Variants in RHOBTB3 observed in about 807,000 individuals in gnomAD.
RHOBTB3 encodes rho-related BTB domain-containing protein 3.
RHOBTB3 carries 47 observed loss-of-function variants against 67.2 expected under a neutral mutation model. The observed-to-expected ratio is 0.70, with a 90% confidence interval of 0.55 to 0.89. The LOEUF (loss-of-function observed/expected upper bound fraction) is 0.89. Ranked by LOEUF, RHOBTB3 falls within the 40% of genes least tolerant of loss-of-function variation. The pLI, the probability that RHOBTB3 is intolerant of heterozygous loss-of-function variation, is 0.00. For synonymous variants in RHOBTB3, 273 were observed against 274.2 expected (o/e 1.00, Z 0.04); for missense variants, 631 against 750.0 (o/e 0.84, Z 1.85).
At chr5:95,760,628 A>G (rs1251706844) in intron 6 of RHOBTB3, among the ~76,000 whole-genome samples, 1 of 152,214 alleles carries the variant, frequency 6.6e-6, no homozygotes, top group Non-Finnish European at 1.5e-5. Context: ...CATGCGCTCT[A>G]AAAGTCTAAG....
rs1380193294 is a variant in RHOBTB3, at chr5:95,795,626, C to A, written c.*2452C>A. 2 of 152,178 alleles carry A rather than the reference C, an allele frequency of 1.3e-5. No homozygotes were observed. The highest frequency in any genetic ancestry group is 2.9e-5 in the Non-Finnish European group (2 of 68,034). 9.4% of individuals were successfully genotyped at this position (152,178 alleles called of 1,614,324 possible). On this transcript the variant is annotated 3_prime_UTR_variant, in exon 12 of 12. Coordinates refer to ENST00000379982, the MANE Select transcript of RHOBTB3 (RefSeq NM_014899.4). ...TTTTGTTATGAAAGTTCTCTACCAC[C>A]TACCTGTGTGAGTGACACCAACATC...
chr5:95,745,121 A>G (rs530181217), intron 3 of RHOBTB3, among the ~76,000 whole-genome samples: 28 of 151,952 alleles, frequency 1.8e-4, no homozygotes, highest in Non-Finnish European at 4.0e-4. Flanking sequence ...AAAAAAATGG[A>G]GATGGGATCT....
At chr5:95,778,469 C>T (rs1211175154) in intron 8 of RHOBTB3, among the ~76,000 whole-genome samples, 6 of 150,426 alleles carry the variant, frequency 4.0e-5, no homozygotes, top group African/African-American at 9.8e-5. Flanking sequence ...CCCATGGATT[C>T]GGAGAGCTAA....
rs776352969 is a variant in RHOBTB3 at position 95,755,633 on chromosome 5, C to T, written c.920C>T (p.Ala307Val). The part of the protein sequence containing the change: ...SIIRTTQDLF[A>V]INRDTAFPGA... ...ATCCGAACTACCCAGGATCTTTTTGCTATAAACAGAGATACTGCATTTCCA... is the reference window on the plus strand; with the variant it reads ...ATCCGAACTACCCAGGATCTTTTTGTTATAAACAGAGATACTGCATTTCCA... The change falls in exon 6 of 12, where the codon GCT becomes GTT. Residue 307 changes from alanine (A) to valine (V), a missense_variant. Ala to Val is a moderately conservative substitution (Grantham distance 64). Transcript: ENST00000379982. 6.2e-7 allele frequency: 1 copy of T among 1,614,104 alleles called. No individual in the cohort carries two copies. The highest frequency in any genetic ancestry group is 8.5e-7 in the Non-Finnish European group (1 of 1,180,022).
At position 95,731,998 on chromosome 5, in the gene RHOBTB3, AGCACGGTC is replaced by A; in HGVS notation, c.145_152del (p.Thr49AlafsTer29). 6.2e-7 allele frequency: 1 copy of A among 1,614,204 alleles called. No individual in the cohort carries two copies. ...GAGCAGCTTGTTGCTGAACGCGGCC[AGCACGGTC>A]GCGCGTCCGGTGTTCACCGAGTATC... On this transcript the variant is annotated frameshift_variant, in exon 2 of 12. Transcript: ENST00000379982. LOFTEE classifies it high-confidence loss of function.
chr5:95,766,908 A>T (rs2112812957), intron 7 of RHOBTB3, among the ~76,000 whole-genome samples: 1 of 152,288 alleles, frequency 6.6e-6, no homozygotes, highest in Admixed American at 6.5e-5. Flanking sequence ...TTAGGATTAT[A>T]AGATTGGAGA....
At chr5:95,759,233 G>C (rs753496051) in intron 6 of RHOBTB3, among the ~76,000 whole-genome samples, 12 of 152,218 alleles carry the variant, frequency 7.9e-5, no homozygotes, top group Non-Finnish European at 1.3e-4. Context: ...CTCCTTGTAC[G>C]TCACGGCCAA....
At chr5:95,756,237 C>T (rs1421546500) in intron 6 of RHOBTB3, 3 of 157,056 alleles carry the variant, frequency 1.9e-5, no homozygotes, top group Admixed American at 6.1e-5. Flanking sequence ...CTAAGTGCCT[C>T]ATGTAAGTGG....
At chr5:95,763,392 T>A (rs1745445994) in intron 6 of RHOBTB3, 116 bp from the exon 7 acceptor site, 1 of 645,714 alleles carries the variant, frequency 1.5e-6, no homozygotes. Context: ...AGGATGTATA[T>A]CTGGTAAAGA....
At chr5:95,769,329 G>T in intron 8 of RHOBTB3, 1 of 473,286 alleles carries the variant, frequency 2.1e-6, no homozygotes, top group South Asian at 1.6e-5. Flanking sequence ...TGAAGAGGCT[G>T]GGGATGGCAC....
chr5:95,731,708 C>T, intron 1 of RHOBTB3, 24 bp downstream of exon 1: 1 of 1,613,198 alleles, frequency 6.2e-7, no homozygotes, highest in Admixed American at 1.7e-5. Context: ...GCCGTCCTGC[C>T]ATTGTCTCTC....
intron 8 of RHOBTB3, chr5:95,770,427 C>G (rs529165947): frequency 2.4e-4 from 59 of 245,474 alleles, no homozygotes; most frequent in African/African-American, 1.3e-3. Flanking sequence ...ATTCAACATT[C>G]TGGCAGTGAC....
chr5:95,767,915 C>A, intron 7 of RHOBTB3, 131 bp from the exon 8 acceptor site: 1 of 880,524 alleles, frequency 1.1e-6, no homozygotes, highest in Non-Finnish European at 1.9e-6. Flanking sequence ...AACCTGTGAT[C>A]AGAGATGTCA....
chr5:95,760,217 A>C (rs2112805559), intron 6 of RHOBTB3, among the ~76,000 whole-genome samples: 1 of 152,362 alleles, frequency 6.6e-6, no homozygotes, highest in African/African-American at 2.4e-5. Context: ...AACACTGCAT[A>C]ATGTATAAGT....
intron 1 of RHOBTB3, among the ~76,000 whole-genome samples, chr5:95,724,382 C>T (rs1754987797): frequency 6.6e-6 from 1 of 152,194 alleles, no homozygotes; most frequent in South Asian, 2.1e-4. Context: ...ATGTTTAACA[C>T]ATAGTTTCAG....
chr5:95,782,390 G>C (rs1439531970), intron 9 of RHOBTB3: 2 of 152,190 alleles, frequency 1.3e-5, no homozygotes, highest in Non-Finnish European at 2.9e-5. Context: ...GGGGAAACAG[G>C]GAGTTAGTGT....
intron 2 of RHOBTB3, among the ~76,000 whole-genome samples, chr5:95,733,218 A>G (rs777810745): frequency 1.3e-5 from 2 of 152,216 alleles, no homozygotes; most frequent in East Asian, 1.9e-4. Context: ...CAATTAAGAG[A>G]TACTATTAAA....
intron 1 of RHOBTB3, among the ~76,000 whole-genome samples, chr5:95,724,054 T>C (rs970065251): frequency 6.6e-6 from 1 of 152,258 alleles, no homozygotes; most frequent in Non-Finnish European, 1.5e-5. Context: ...ACATACATTA[T>C]GAAATTTTCC....
At chr5:95,754,291 T>C (rs1331458422) in intron 5 of RHOBTB3, among the ~76,000 whole-genome samples, 1 of 152,104 alleles carries the variant, frequency 6.6e-6, no homozygotes, top group Non-Finnish European at 1.5e-5. Context: ...TTCAGAATAA[T>C]ACAGTCTGGG....
Sources: gnomAD v4.1 joint callset for allele counts (sites outside exome capture counted in the v4.1 genomes callset) on GRCh38, gnomAD v4.1.1 for gene constraint, MANE v1.5 for transcripts, NCBI Gene and HGNC (gene_info 2026-07-23, HGNC 2026-07-21) for gene names.